Variants in KAT2B observed in about 807,000 individuals in gnomAD.
KAT2B encodes the protein lysine acetyltransferase 2B, also known as histone acetyltransferase KAT2B.
In KAT2B, 36 loss-of-function variants were observed where a neutral mutation model predicts 105.9. The observed-to-expected ratio is 0.34, with a 90% CI of 0.26 to 0.45. KAT2B has a LOEUF of 0.45. Among genes scored for constraint, KAT2B ranks in the 20% least tolerant of loss-of-function variants. KAT2B has a pLI of 1.00. For missense variants in KAT2B, 820 were observed against 1,021.6 expected (o/e 0.80, Z 2.69); for synonymous variants, 397 against 377.9 (o/e 1.05, Z -0.59).
At chr3:20,051,681 A>G (rs754888600) in intron 1 of KAT2B, among the ~76,000 whole-genome samples, 2 of 152,222 alleles carry the variant, frequency 1.3e-5, no homozygotes, top group Non-Finnish European at 2.9e-5. Flanking sequence ...CTCCCCAGGA[A>G]TGACAGTGAG....
intron 2 of KAT2B, among the ~76,000 whole-genome samples, chr3:20,077,693 T>C (rs1698443612): frequency 6.6e-6 from 1 of 152,246 alleles, no homozygotes; most frequent in South Asian, 2.1e-4. Context: ...TCACATTGTA[T>C]TTCTATTGAA....
chr3:20,150,088 C>T (rs186328694), intron 17 of KAT2B, among the ~76,000 whole-genome samples: 70 of 152,282 alleles, frequency 4.6e-4, no homozygotes, highest in African/African-American at 1.7e-3. Flanking sequence ...GTGAACTTCT[C>T]CAGTTGGATA....
chr3:20,074,370 G>T (rs1698381443), intron 2 of KAT2B, among the ~76,000 whole-genome samples: 1 of 152,136 alleles, frequency 6.6e-6, no homozygotes, highest in Non-Finnish European at 1.5e-5. Flanking sequence ...TCTATAACCA[G>T]TAGCTGTGAG....
chr3:20,043,058 A>G (rs1452728248), intron 1 of KAT2B, among the ~76,000 whole-genome samples: 2 of 151,940 alleles, frequency 1.3e-5, no homozygotes, highest in Non-Finnish European at 2.9e-5. Context: ...GCGCCAGTAC[A>G]CTATTATTAT....
intron 11 of KAT2B, among the ~76,000 whole-genome samples, chr3:20,133,865 A>G (rs1414905797): frequency 6.6e-6 from 1 of 152,128 alleles, no homozygotes; most frequent in African/African-American, 2.4e-5. Flanking sequence ...CGCTCTGATC[A>G]CTATTGAGGT....
At chr3:20,075,547 T>A (rs4858757) in intron 2 of KAT2B, among the ~76,000 whole-genome samples, 1 of 151,886 alleles carries the variant, frequency 6.6e-6, no homozygotes, top group Non-Finnish European at 1.5e-5. Context: ...GCTTCTGACC[T>A]ACCGGCTATA....
chr3:20,066,061 C>G (rs12632127), intron 1 of KAT2B, among the ~76,000 whole-genome samples: 6,077 of 152,026 alleles, frequency 0.04, 306 homozygotes, highest in East Asian at 0.2. Flanking sequence ...ATCAAGATGT[C>G]ATCTGGGCCA....
chr3:20,132,471 TA>T (rs1327414462), intron 11 of KAT2B, among the ~76,000 whole-genome samples: 1 of 152,212 alleles, frequency 6.6e-6, no homozygotes. Flanking sequence ...ACACTGAAGT[TA>T]CCAGATAGTT....
chr3:20,152,347 G>A lies in KAT2B; in HGVS notation c.2321G>A (p.Ser774Asn), dbSNP rs746722217. The change falls in exon 18 of 18, where the codon AGT becomes AAT. Residue 774 changes from serine (S) to asparagine (N), a missense_variant. Coordinates refer to ENST00000263754, the MANE Select transcript of KAT2B (RefSeq NM_003884.5). ...TCCTGTGCAGATCTGAAAACCATGAGTGAACGCCTCAAGAATAGGTACTAC... is the reference window on the plus strand; with the variant it reads ...TCCTGTGCAGATCTGAAAACCATGAATGAACGCCTCAAGAATAGGTACTAC... ...IRFPMDLKTM[S>N]ERLKNRYYVS... 4 of 1,612,636 alleles carry A rather than the reference G, an allele frequency of 2.5e-6. No individual in the cohort carries two copies. Among genetic ancestry groups the A allele is most frequent in the Non-Finnish European group, 3.4e-6 (4 of 1,179,172 alleles).
intron 8 of KAT2B, 80 bp downstream of exon 8, chr3:20,119,803 T>G: frequency 6.8e-7 from 1 of 1,465,968 alleles, no homozygotes; most frequent in Non-Finnish European, 9.4e-7. Context: ...AAAGGTAGAC[T>G]TGAACCAAGT....
At chr3:20,092,519 T>G (rs1206451490) in intron 2 of KAT2B, among the ~76,000 whole-genome samples, 2 of 151,462 alleles carry the variant, frequency 1.3e-5, no homozygotes, top group Non-Finnish European at 2.9e-5. Flanking sequence ...CATGAGCCAC[T>G]GTGCCCAGCT....
intron 9 of KAT2B, among the ~76,000 whole-genome samples, chr3:20,123,844 A>G (rs1263828986): frequency 2.6e-5 from 4 of 152,174 alleles, no homozygotes; most frequent in Non-Finnish European, 4.4e-5. Context: ...AGATTCAAGT[A>G]AGGCATTTTT....
chr3:20,114,121 C>T (rs572344790), intron 6 of KAT2B, among the ~76,000 whole-genome samples: 53 of 151,886 alleles, frequency 3.5e-4, no homozygotes, highest in African/African-American at 1.2e-3. Flanking sequence ...AATCACCTGC[C>T]CTATTCTGAT....
intron 2 of KAT2B, among the ~76,000 whole-genome samples, chr3:20,075,195 C>T (rs143461671): frequency 0.012 from 1,830 of 151,852 alleles, 40 homozygotes; most frequent in African/African-American, 0.042. Flanking sequence ...ACCTAGGAGG[C>T]GGAGGTTGTA....
At chr3:20,131,077 G>T (rs973411105) in intron 11 of KAT2B, among the ~76,000 whole-genome samples, 14 of 144,934 alleles carry the variant, frequency 9.7e-5, no homozygotes, top group Non-Finnish European at 1.3e-4. Flanking sequence ...GTGCAATGGC[G>T]TGATCTCGGC....
rs772259882 is a variant in KAT2B at position 20,040,652 on chromosome 3, G to A, written c.175G>A (p.Ala59Thr). ...CGCCTGCGGTCCGGCGACGGCAGTGGCTGCAGCGGGCACGGCCGAAGGACC... is the reference window on the plus strand; with the variant it reads ...CGCCTGCGGTCCGGCGACGGCAGTGACTGCAGCGGGCACGGCCGAAGGACC... ...SGACGPATAV[A>T]AAGTAEGPGG... The change falls in exon 1 of 18, where the codon GCT (alanine) becomes ACT (threonine). Residue 59 changes from alanine (A) to threonine (T), a missense_variant. By Grantham distance (58) the Ala-to-Thr change is moderately conservative. Around this residue, in one of 6 missense-constraint regions of KAT2B, gnomAD observed 190 missense variants for 176.7 expected, o/e 1.08. Transcript: ENST00000263754. 1.4e-5 allele frequency: 21 copies of A among 1,486,156 alleles called. No homozygotes were observed. Among genetic ancestry groups the A allele is most frequent in the Non-Finnish European group, 1.8e-5 (20 of 1,122,610 alleles). 92.1% of individuals were successfully genotyped at this position (1,486,156 alleles called of 1,614,324 possible).
intron 1 of KAT2B, among the ~76,000 whole-genome samples, chr3:20,050,211 A>G (rs1697891245): frequency 6.6e-6 from 1 of 152,082 alleles, no homozygotes; most frequent in South Asian, 2.1e-4. Context: ...AAAAAAAAAA[A>G]AAAAGATTTA....
chr3:20,061,351 T>C (rs1208414463), intron 1 of KAT2B, among the ~76,000 whole-genome samples: 3 of 150,762 alleles, frequency 2.0e-5, no homozygotes, highest in Non-Finnish European at 4.4e-5. Flanking sequence ...ATGTATATAC[T>C]ACGTTTTACT....
rs575439484 is a variant in KAT2B at position 20,093,395 on chromosome 3, G to A, written c.431-1868G>A. On this transcript the variant is annotated intron_variant, in intron 2 of 17. Transcript: ENST00000263754. Reference sequence around the variant, plus strand: ...CCTAACTTCTTTAGTCTTTGGCTAAGAGCTGCTCTTGAGGGTATATAGGTG... The same window carrying A: ...CCTAACTTCTTTAGTCTTTGGCTAAAAGCTGCTCTTGAGGGTATATAGGTG... Among the ~76,000 whole-genome samples the A allele has an allele frequency of 1.3e-3, 197 of 152,306 alleles. 1 individual carries two copies. Among genetic ancestry groups the A allele is most frequent in the Non-Finnish European group, 1.3e-3 (87 of 68,030 alleles).
Sources: gnomAD v4.1 joint callset for allele counts (sites outside exome capture counted in the v4.1 genomes callset) on GRCh38, gnomAD v4.1.1 for gene constraint, gnomAD v4.1.1 regional missense constraint, MANE v1.5 for transcripts, NCBI Gene and HGNC (gene_info 2026-07-23, HGNC 2026-07-21) for gene names.